Variants in GSDME observed in about 807,000 individuals in gnomAD.
GSDME encodes the protein gasdermin E.
In GSDME, 44 loss-of-function variants were observed where a neutral mutation model predicts 47.5. The observed-to-expected ratio is 0.93, with a 90% CI of 0.73 to 1.19. GSDME has a LOEUF of 1.19. Ranked by LOEUF, GSDME falls within the 50% of genes most tolerant of loss-of-function variation. The probability of loss-of-function intolerance (pLI) is 0.00; values close to 1 mark genes in which losing one functional copy is unlikely to be tolerated. For synonymous variants in GSDME, 258 were observed against 252.8 expected, an observed-to-expected ratio of 1.02 and a Z score of -0.20; for missense variants, 663 against 604.2, an observed-to-expected ratio of 1.10 and a Z score of -1.02.
rs1457912086 is a variant in GSDME, at chr7:24,736,548, A to C, written c.404+8014T>G. On this transcript the variant is annotated intron_variant, in intron 3 of 9. Coordinates refer to ENST00000645220, the MANE Select transcript of GSDME (RefSeq NM_001127453.2). The surrounding 1 kb of genome is among the most constrained non-coding windows in gnomAD (Gnocchi z 4.6). The stretch of plus-strand genomic sequence containing the variant: ...AGAAAATATTATTAAAGCTAAAGAG[A>C]TAGGCCCCCAGTGCAGTAATACCTG... 6.6e-6 allele frequency among the ~76,000 whole-genome samples: 1 copy of C among 152,196 alleles called. No homozygotes were observed. Among genetic ancestry groups the C allele is most frequent in the Non-Finnish European group, 1.5e-5 (1 of 68,038 alleles).
intron 8 of GSDME, chr7:24,704,220 A>AT (rs1584045810): frequency 1.3e-5 from 2 of 152,342 alleles, no homozygotes. Flanking sequence ...AACTGAAATT[A>AT]TTTTGATTGC....
chr7:24,703,733 G>A (rs1442137525), intron 8 of GSDME: 2 of 152,528 alleles, frequency 1.3e-5, no homozygotes, highest in Non-Finnish European at 2.9e-5. Context: ...GGCTATTAAG[G>A]GGGTGGGGCA....
chr7:24,699,137 C>T lies in GSDME; in HGVS notation c.1380G>A (p.Glu460=), dbSNP rs375277327. Residue 460 remains glutamate (E), a synonymous_variant, in exon 10 of 10, where the codon GAG becomes GAA. Transcript: ENST00000645220. ...CAGCTTTCACAGATGACTTCAGTCT[C>T]TCCAGACTAATGTCAGCTGAGGCAA... ...RLFASADISL[E]RLKSSVKAVI... is the part of the protein sequence containing the mutation. 42 of 1,613,808 alleles carry T rather than the reference C, an allele frequency of 2.6e-5. No homozygotes were observed. The highest frequency in any genetic ancestry group is 1.2e-4 in the African/African-American group (9 of 74,908).
At chr7:24,749,506 A>C (rs1790784661) in intron 2 of GSDME, 58 bp downstream of exon 2, 22 of 1,469,734 alleles carry the variant, frequency 1.5e-5, no homozygotes, top group Non-Finnish European at 2.0e-5. Context: ...TCAAAAAAAA[A>C]AAAAAAAAGG....
rs555560759 is a variant in GSDME, at chr7:24,709,593, C to T, written c.862+631G>A. Among the ~76,000 whole-genome samples the T allele has an allele frequency of 9.9e-5, 15 of 152,170 alleles. No homozygotes were observed. In the East Asian group the frequency reaches 2.9e-3, roughly 29 times the overall value. On this transcript the variant is annotated intron_variant, in intron 6 of 9. Transcript: ENST00000645220. Reference sequence around the variant, plus strand: ...CTAGCTCTTTGTGCTAAGCTCTCACCTATTTGTTTCTCCTTTTCCTTGCCC... The same window carrying T: ...CTAGCTCTTTGTGCTAAGCTCTCACTTATTTGTTTCTCCTTTTCCTTGCCC...
chr7:24,774,871 C>A, the GSDME span, among the ~76,000 whole-genome samples: 44 of 152,208 alleles, frequency 2.9e-4, no homozygotes, highest in Non-Finnish European at 6.0e-4. Flanking sequence ...AGATGTGAAA[C>A]CCAGCCCCTG....
chr7:24,788,313 T>C, the GSDME span, among the ~76,000 whole-genome samples: 1 of 152,170 alleles, frequency 6.6e-6, no homozygotes, highest in Non-Finnish European at 1.5e-5. The surrounding 1 kb of genome is among the most constrained non-coding windows in gnomAD (Gnocchi z 4.6). Flanking sequence ...GGGCCTGGGA[T>C]AGTTCTTCCT....
In GSDME at chr7:24,744,923, C is replaced by CGTGTGTGTGTGTGTGTGTGTGTGTGTGT. The variant is rs3038356; in HGVS notation, c.212-197_212-170dup. On this transcript the variant is annotated intron_variant, in intron 2 of 9. Transcript: ENST00000645220. The surrounding 1 kb of genome is among the most constrained non-coding windows in gnomAD (Gnocchi z 4.5). ...GTGTGGGCAAGAAAACAGGGCAGCACGTGTGTGTGTGTGTGTGTGTGTGTG... is the reference window on the plus strand; with the variant it reads ...GTGTGGGCAAGAAAACAGGGCAGCACGTGTGTGTGTGTGTGTGTGTGTGTGTGTGTGTGTGTGTGTGTGTGTGTGTGTG... Among the ~76,000 whole-genome samples, 1 of 140,110 alleles carries CGTGTGTGTGTGTGTGTGTGTGTGTGTGT rather than the reference C, an allele frequency of 7.1e-6. No homozygotes were observed. The highest frequency in any genetic ancestry group is 2.7e-5 in the African/African-American group (1 of 37,056). The allele number at this position is 140,110 out of a possible 152,430, so 91.9% of individuals were successfully genotyped here.
intron 1 of GSDME, among the ~76,000 whole-genome samples, chr7:24,755,504 C>T (rs140537486): frequency 0.01 from 1,545 of 152,330 alleles, 24 homozygotes; most frequent in African/African-American, 0.034. Flanking sequence ...TGCCCAAATC[C>T]TCTGTCCTTT....
At chr7:24,719,503 T>C (rs972573687) in intron 3 of GSDME, among the ~76,000 whole-genome samples, 14 of 151,844 alleles carry the variant, frequency 9.2e-5, no homozygotes, top group African/African-American at 3.1e-4. Flanking sequence ...GAAAAGAAAA[T>C]CAACCAGGGC....
At position 24,710,519 on chromosome 7, in the gene GSDME, C is replaced by T; in HGVS notation, c.698-131G>A. Reference sequence around the variant, plus strand: ...TCAGTGGAGCAGAAGACCCATCCATCTTCCCCATAAAATTCGATCCCTACA... The same window carrying T: ...TCAGTGGAGCAGAAGACCCATCCATTTTCCCCATAAAATTCGATCCCTACA... On this transcript the variant is annotated intron_variant, in intron 5 of 9. Coordinates refer to ENST00000645220, the MANE Select transcript of GSDME (RefSeq NM_001127453.2). The T allele has an allele frequency of 4.7e-6, 4 of 852,256 alleles. 1 individual carries two copies. Among genetic ancestry groups the T allele is most frequent in the South Asian group, 4.4e-5 (3 of 68,814 alleles). 52.8% of individuals were successfully genotyped at this position (852,256 alleles called of 1,614,324 possible).
At position 24,744,923 on chromosome 7, in the gene GSDME, CGTGTGT is replaced by C. The variant is rs3038356; in HGVS notation, c.212-175_212-170del. 1.4e-4 allele frequency among the ~76,000 whole-genome samples: 20 copies of C among 140,178 alleles called. No individual in the cohort carries two copies. The highest frequency in any genetic ancestry group is 1.1e-3 in the East Asian group (5 of 4,736). The allele number at this position is 140,178 out of a possible 152,430, so 92.0% of individuals were successfully genotyped here. A position where few individuals can be genotyped will look rare whatever the true frequency, so the allele number is the denominator to read the frequency against. On this transcript the variant is annotated intron_variant, in intron 2 of 9. Transcript: ENST00000645220. The surrounding 1 kb of genome is among the most constrained non-coding windows in gnomAD (Gnocchi z 4.5). ...GTGTGGGCAAGAAAACAGGGCAGCA[CGTGTGT>C]GTGTGTGTGTGTGTGTGTGTGTGGA...
the GSDME span, among the ~76,000 whole-genome samples, chr7:24,764,675 T>C: frequency 6.6e-6 from 1 of 152,322 alleles, no homozygotes; most frequent in South Asian, 2.1e-4. The surrounding 1 kb of genome is among the most constrained non-coding windows in gnomAD (Gnocchi z 4.4). Flanking sequence ...TTGGAGTTGG[T>C]GCAAATGCTA....
Position 24,710,186 on chromosome 7 carries a change from C to T in GSDME, c.862+38G>A, listed in dbSNP as rs542351136. 37 of 1,609,370 alleles carry T rather than the reference C, an allele frequency of 2.3e-5. 1 individual carries two copies. The South Asian group carries it at 3.8e-4, about 17-fold the overall frequency. On this transcript the variant is annotated intron_variant, in intron 6 of 9. Transcript: ENST00000645220. ...CTCTTGGGATACAGGGCTCAGTTGG[C>T]CCTCAACTGCCCACTACTCCTGCCC...
chr7:24,766,190 T>G, the GSDME span, among the ~76,000 whole-genome samples: 1 of 147,522 alleles, frequency 6.8e-6, no homozygotes, highest in Non-Finnish European at 1.5e-5. The surrounding 1 kb of genome is among the most constrained non-coding windows in gnomAD (Gnocchi z 4.2). Context: ...TATTTGTGTG[T>G]GTGTGTGTGT....
the GSDME span, among the ~76,000 whole-genome samples, chr7:24,793,645 C>G: frequency 2.5e-4 from 38 of 152,050 alleles, no homozygotes; most frequent in African/African-American, 9.2e-4. Flanking sequence ...TGTTTCACGA[C>G]TTTCACAGAC....
the GSDME span, among the ~76,000 whole-genome samples, chr7:24,777,229 C>T: frequency 6.6e-6 from 1 of 152,146 alleles, no homozygotes; most frequent in Non-Finnish European, 1.5e-5. Flanking sequence ...AATCAAGCAA[C>T]ATAATTTGGA....
At chr7:24,752,721 G>A (rs1183433825) in intron 1 of GSDME, among the ~76,000 whole-genome samples, 3 of 152,228 alleles carry the variant, frequency 2.0e-5, no homozygotes, top group African/African-American at 4.8e-5. Context: ...TCCAGGAAAA[G>A]AGCCACAGAA....
Position 24,710,345 on chromosome 7 carries a change from C to A in GSDME, c.741G>T (p.Lys247Asn). ...CCAGGTAGACAGAGTCAATTCTCTTCTTGTTCTCGAAGCCACCTTGCTTCC... is the reference window on the plus strand; with the variant it reads ...CCAGGTAGACAGAGTCAATTCTCTTATTGTTCTCGAAGCCACCTTGCTTCC... ...LRGKQGGFEN[K>N]KRIDSVYLDP... Residue 247 changes from lysine to asparagine, a missense_variant, in exon 6 of 10, where the codon AAG (lysine) becomes AAT (asparagine). By Grantham distance (94) the Lys-to-Asn change is moderately conservative. Transcript: ENST00000645220. 1 of 1,614,246 alleles carries A rather than the reference C, an allele frequency of 6.2e-7. No individual in the cohort carries two copies. Among genetic ancestry groups the A allele is most frequent in the Non-Finnish European group, 8.5e-7 (1 of 1,180,042 alleles).
Sources: gnomAD v4.1 joint callset for allele counts (sites outside exome capture counted in the v4.1 genomes callset) on GRCh38, gnomAD v4.1.1 for gene constraint, Gnocchi (gnomAD v3.1) non-coding constraint, MANE v1.5 for transcripts, NCBI Gene and HGNC (gene_info 2026-07-23, HGNC 2026-07-21) for gene names.